Variants in PPP6R3 observed in about 807,000 individuals in gnomAD.
PPP6R3 encodes the protein serine/threonine-protein phosphatase 6 regulatory subunit 3.
PPP6R3 carries 38 observed loss-of-function variants against 110.7 expected under a neutral mutation model. That is an observed-to-expected ratio of 0.34 (90% CI 0.26 to 0.45). The LOEUF (loss-of-function observed/expected upper bound fraction) is 0.45. Ranked by LOEUF, PPP6R3 falls within the 20% of genes least tolerant of loss-of-function variation. The pLI, the probability that PPP6R3 is intolerant of heterozygous loss-of-function variation, is 1.00. For synonymous variants in PPP6R3, 369 were observed against 373.5 expected, an observed-to-expected ratio of 0.99 and a Z score of 0.14; for missense variants, 870 against 1,062.4, an observed-to-expected ratio of 0.82 and a Z score of 2.52.
At chr11:68,515,613 C>T (rs1031338252) in intron 1 of PPP6R3, among the ~76,000 whole-genome samples, 26 of 152,308 alleles carry the variant, frequency 1.7e-4, no homozygotes, top group African/African-American at 5.5e-4. Context: ...GGGATTGTGG[C>T]ATTCAGGATT....
intron 22 of PPP6R3, 121 bp from the exon 23 acceptor site, chr11:68,609,783 C>G: frequency 6.4e-7 from 1 of 1,561,126 alleles, no homozygotes; most frequent in African/African-American, 1.4e-5. Flanking sequence ...TGCTCAGTCC[C>G]AGGATGCTTT....
rs767091616 is a variant in PPP6R3, at chr11:68,595,560, A to G, written c.1917-537A>G. Among the ~76,000 whole-genome samples the G allele has an allele frequency of 7.2e-5, 11 of 152,244 alleles. No homozygotes were observed. In the South Asian group the frequency reaches 8.3e-4, roughly 11 times the overall value. On this transcript the variant is annotated intron_variant, in intron 18 of 23. Transcript: ENST00000393800. ...AAGCCGAACATCATCAAAATTTAAA[A>G]TTTTCACTCTTCAAATGACACTTTT...
intron 5 of PPP6R3, among the ~76,000 whole-genome samples, chr11:68,550,413 G>C (rs1056612976): frequency 3.9e-5 from 6 of 152,120 alleles, no homozygotes; most frequent in African/African-American, 1.4e-4. Context: ...TCTAGGTAGT[G>C]AGCTGCCTTG....
chr11:68,563,666 G>C (rs2099439904), intron 8 of PPP6R3, among the ~76,000 whole-genome samples: 1 of 152,200 alleles, frequency 6.6e-6, no homozygotes, highest in African/African-American at 2.4e-5. Context: ...ACACATTACT[G>C]TTGGGAATGG....
In PPP6R3 at chr11:68,613,643, T is replaced by A; in HGVS notation, c.*526T>A. On this transcript the variant is annotated 3_prime_UTR_variant, in exon 24 of 24. Transcript: ENST00000393800. Reference sequence around the variant, plus strand: ...TGGTTGTTCTAACTTACAAAAGTGATTTTGAATAAGAAATATTTGGTGTTC... The same window carrying A: ...TGGTTGTTCTAACTTACAAAAGTGAATTTGAATAAGAAATATTTGGTGTTC... 1 of 985,586 alleles carries A rather than the reference T, an allele frequency of 1.0e-6. No homozygotes were observed. Among genetic ancestry groups the A allele is most frequent in the Non-Finnish European group, 1.2e-6 (1 of 829,700 alleles). 61.1% of individuals were successfully genotyped at this position (985,586 alleles called of 1,614,324 possible).
At chr11:68,561,698 T>C (rs905767182) in intron 8 of PPP6R3, among the ~76,000 whole-genome samples, 1 of 152,230 alleles carries the variant, frequency 6.6e-6, no homozygotes, top group Admixed American at 6.5e-5. Context: ...AATTCCTTTA[T>C]GATAAAACAT....
At chr11:68,613,009 TTTTG>T in intron 23 of PPP6R3, 53 bp from the exon 24 acceptor site, 1 of 1,613,512 alleles carries the variant, frequency 6.2e-7, no homozygotes, top group Non-Finnish European at 8.5e-7. Flanking sequence ...GCTAAGTAGG[TTTTG>T]TTTTTCATAT....
rs1004556748 is a variant in PPP6R3 at position 68,614,339 on chromosome 11, A to G, written c.*1222A>G. 1 of 1,118,524 alleles carries G rather than the reference A, an allele frequency of 8.9e-7. No individual in the cohort carries two copies. Among genetic ancestry groups the G allele is most frequent in the African/African-American group, 1.7e-5 (1 of 59,502 alleles). 69.3% of individuals were successfully genotyped at this position (1,118,524 alleles called of 1,614,324 possible). A position where few individuals can be genotyped will look rare whatever the true frequency, so the allele number is the denominator to read the frequency against. Reference sequence around the variant, plus strand: ...CACAGCCTTCTCAAACAGCTCAAGCAATATATTGTATATTGCCATATCGTC... The same window carrying G: ...CACAGCCTTCTCAAACAGCTCAAGCGATATATTGTATATTGCCATATCGTC... On this transcript the variant is annotated 3_prime_UTR_variant, in exon 24 of 24. Transcript: ENST00000393800.
intron 1 of PPP6R3, among the ~76,000 whole-genome samples, chr11:68,466,915 T>C (rs2098751936): frequency 6.9e-6 from 1 of 143,944 alleles, no homozygotes. Flanking sequence ...GCCTGGCCAT[T>C]TTTTGTATTT....
intron 1 of PPP6R3, among the ~76,000 whole-genome samples, chr11:68,487,817 T>G (rs2098957977): frequency 6.6e-6 from 1 of 152,192 alleles, no homozygotes; most frequent in Non-Finnish European, 1.5e-5. Context: ...ATGTTCTGTA[T>G]GAACTTGAGA....
intron 1 of PPP6R3, among the ~76,000 whole-genome samples, chr11:68,498,354 A>ACTTCCCCATTTCCCACTTCT (rs1368299656): frequency 1.3e-5 from 2 of 152,168 alleles, no homozygotes; most frequent in Non-Finnish European, 2.9e-5. Flanking sequence ...GTCCCACTTA[A>ACTTCCCCATTTCCCACTTCT]CTTCCCCATT....
In PPP6R3 at chr11:68,558,525, A is replaced by G. The variant is rs770673476; in HGVS notation, c.732-41A>G. On this transcript the variant is annotated intron_variant, in intron 7 of 23. Coordinates refer to ENST00000393800, the MANE Select transcript of PPP6R3 (RefSeq NM_001164161.2). Reference sequence around the variant, plus strand: ...CTTTTTTTCTGAGGTTGTTGGTGATAAGTGATACTGCAGTTAGTGATTATT... The same window carrying G: ...CTTTTTTTCTGAGGTTGTTGGTGATGAGTGATACTGCAGTTAGTGATTATT... 2.3e-6 allele frequency: 3 copies of G among 1,306,214 alleles called. No individual in the cohort carries two copies. The East Asian group carries it at 7.0e-5, about 30-fold the overall frequency. The allele number at this position is 1,306,214 out of a possible 1,614,324, so 80.9% of individuals were successfully genotyped here.
intron 1 of PPP6R3, among the ~76,000 whole-genome samples, chr11:68,509,229 G>A (rs1364732753): frequency 6.6e-6 from 1 of 152,146 alleles, no homozygotes; most frequent in Non-Finnish European, 1.5e-5. Context: ...TCATCCTTAT[G>A]GATTCCACCC....
Position 68,512,621 on chromosome 11 carries a change from C to T in PPP6R3, c.-157-6880C>T, listed in dbSNP as rs80166635. Among the ~76,000 whole-genome samples the T allele has an allele frequency of 7.5e-3, 1,146 of 152,176 alleles. 14 individuals carry two copies. Among genetic ancestry groups the T allele is most frequent in the African/African-American group, 0.026 (1,097 of 41,506 alleles). ...AAATTAAGTATGGTTTAAGGAGATG[C>T]GTGTGGGTGCCAGGTTGACAATAGG... On this transcript the variant is annotated intron_variant, in intron 1 of 23. Transcript: ENST00000393800.
intron 19 of PPP6R3, among the ~76,000 whole-genome samples, chr11:68,597,591 G>C (rs1330346003): frequency 2.6e-5 from 4 of 152,152 alleles, no homozygotes; most frequent in African/African-American, 7.2e-5. Flanking sequence ...GCTCCAGGCA[G>C]CAGGGAGGTG....
Position 68,614,573 on chromosome 11 carries a change from A to AAAT in PPP6R3, c.*1459_*1461dup. The AAAT allele has an allele frequency of 6.6e-7, 1 of 1,506,552 alleles. No homozygotes were observed. The highest frequency in any genetic ancestry group is 1.4e-5 in the African/African-American group (1 of 70,252). 93.3% of individuals were successfully genotyped at this position (1,506,552 alleles called of 1,614,324 possible). On this transcript the variant is annotated 3_prime_UTR_variant, in exon 24 of 24. Coordinates refer to ENST00000393800, the MANE Select transcript of PPP6R3 (RefSeq NM_001164161.2). Reference sequence around the variant, plus strand: ...TGCCTAAACATTACATTGCATATGGAAATAAAAGAATCAAACGTCTAATGC... The same window carrying AAAT: ...TGCCTAAACATTACATTGCATATGGAAATAATAAAAGAATCAAACGTCTAATGC...
intron 1 of PPP6R3, among the ~76,000 whole-genome samples, chr11:68,483,099 G>C (rs776398250): frequency 1.3e-5 from 2 of 152,084 alleles, no homozygotes; most frequent in African/African-American, 2.4e-5. Context: ...ATATTGTTTA[G>C]TGCAGAAATA....
At chr11:68,597,577 A>G (rs1359693116) in intron 19 of PPP6R3, among the ~76,000 whole-genome samples, 1 of 152,174 alleles carries the variant, frequency 6.6e-6, no homozygotes, top group Admixed American at 6.5e-5. Flanking sequence ...GAACTGCAAG[A>G]TGGGCTCCAG....
intron 15 of PPP6R3, among the ~76,000 whole-genome samples, chr11:68,585,542 G>C (rs1336094269): frequency 6.6e-6 from 1 of 152,174 alleles, no homozygotes; most frequent in Non-Finnish European, 1.5e-5. Context: ...TCCAGATATA[G>C]GTTTCTCAGA....
Sources: gnomAD v4.1 joint callset for allele counts (sites outside exome capture counted in the v4.1 genomes callset) on GRCh38, gnomAD v4.1.1 for gene constraint, MANE v1.5 for transcripts, NCBI Gene and HGNC (gene_info 2026-07-23, HGNC 2026-07-21) for gene names.